The following PIWIL4 variants were observed in gnomAD, a reference collection of about 807,000 sequenced individuals.
PIWIL4 encodes piwi like RNA-mediated gene silencing 4.
Under a neutral mutation model 100.9 loss-of-function variants are expected in PIWIL4, and 50 were observed. That is an observed-to-expected ratio of 0.50 (90% CI 0.39 to 0.63). PIWIL4 has a LOEUF of 0.63. PIWIL4 is among the 20% of genes least tolerant of loss of function. The pLI is 0.00. For missense variants in PIWIL4, 887 were observed against 1,043.3 expected (o/e 0.85, Z 2.06); for synonymous variants, 342 against 367.5 (o/e 0.93, Z 0.79).
chr11:94,603,980 G>T lies in PIWIL4; in HGVS notation c.1566-4G>T, dbSNP rs926277723. On this transcript the variant is annotated splice_region_variant and splice_polypyrimidine_tract_variant and intron_variant, in intron 12 of 19. Transcript: ENST00000299001. ...ATAGCTTCAAAATTAATCTTTTTAT[G>T]TAGCATAAAAGTACAAGAAAATCCA... The T allele has an allele frequency of 6.3e-7, 1 of 1,585,444 alleles. No individual in the cohort carries two copies. The highest frequency in any genetic ancestry group is 8.6e-7 in the Non-Finnish European group (1 of 1,158,608).
intron 14 of PIWIL4, 21 bp from the exon 15 acceptor site, chr11:94,608,562 A>G (rs1414045916): frequency 6.3e-7 from 1 of 1,592,918 alleles, no homozygotes; most frequent in Non-Finnish European, 8.6e-7. Context: ...CCATTAAATC[A>G]TGACAAATTT....
At chr11:94,593,401 T>A in intron 8 of PIWIL4, 117 bp from the exon 9 acceptor site, 1 of 997,538 alleles carries the variant, frequency 1.0e-6, no homozygotes, top group Admixed American at 2.6e-5. Context: ...TAGGTAACTA[T>A]GGGATTGGTT....
At chr11:94,601,465 A>G (rs1247893919) in intron 11 of PIWIL4, among the ~76,000 whole-genome samples, 1 of 152,204 alleles carries the variant, frequency 6.6e-6, no homozygotes, top group Non-Finnish European at 1.5e-5. Flanking sequence ...AGTCATTCAT[A>G]ATAAAGGCAT....
intron 8 of PIWIL4, among the ~76,000 whole-genome samples, chr11:94,591,408 CCTTT>C (rs1009014893): frequency 1.3e-5 from 2 of 152,230 alleles, no homozygotes; most frequent in Non-Finnish European, 2.9e-5. Context: ...AAGCTGTTCT[CCTTT>C]CTAAGTACCT....
intron 11 of PIWIL4, among the ~76,000 whole-genome samples, chr11:94,598,254 T>G (rs72965817): frequency 0.032 from 4,896 of 152,322 alleles, 106 homozygotes; most frequent in Middle Eastern, 0.061. Flanking sequence ...TGGACATTAG[T>G]TCTAATAGAT....
rs1475652288 is a variant in PIWIL4 at position 94,595,497 on chromosome 11, A to G, written c.1268+71A>G. The G allele has an allele frequency of 3.4e-6, 4 of 1,162,038 alleles. No homozygotes were observed. In the Middle Eastern group the frequency reaches 6.0e-4, roughly 174 times the overall value. The allele number at this position is 1,162,038 out of a possible 1,614,324, so 72.0% of individuals were successfully genotyped here. On this transcript the variant is annotated intron_variant, in intron 10 of 19. Transcript: ENST00000299001. The stretch of plus-strand genomic sequence containing the variant: ...ATTAGATGGCCTATGTAACACTGAT[A>G]TATTCCTTGAAGGAAATGTGTCATT...
intron 4 of PIWIL4, among the ~76,000 whole-genome samples, chr11:94,579,421 AAAAG>A (rs143565660): frequency 0.078 from 11,950 of 152,230 alleles, 1,047 homozygotes; most frequent in African/African-American, 0.21. Context: ...CTACAAGAAA[AAAAG>A]AACCAATTTC....
intron 15 of PIWIL4, among the ~76,000 whole-genome samples, chr11:94,614,125 T>C (rs1441148549): frequency 6.6e-6 from 1 of 151,874 alleles, no homozygotes; most frequent in Admixed American, 6.6e-5. Context: ...TTCTGTATTT[T>C]TTTTTTAATG....
chr11:94,616,352 T>C, intron 15 of PIWIL4, 141 bp from the exon 16 acceptor site: 1 of 698,364 alleles, frequency 1.4e-6, no homozygotes, highest in Non-Finnish European at 2.3e-6. Context: ...CTCTTTGATA[T>C]AATTGTGAAC....
chr11:94,568,188 T>C (rs1445343932), intron 1 of PIWIL4, among the ~76,000 whole-genome samples: 1 of 152,148 alleles, frequency 6.6e-6, no homozygotes, highest in Non-Finnish European at 1.5e-5. Context: ...TTTATTCTCA[T>C]GAAGTGGTCT....
chr11:94,589,101 A>C lies in PIWIL4; in HGVS notation c.915-20A>C. ...GTTAGATGATTAAAAAACAATTTAA[A>C]GACTTTTTATATTTGGCAGATACAA... On this transcript the variant is annotated intron_variant, in intron 7 of 19. Coordinates refer to ENST00000299001, the MANE Select transcript of PIWIL4 (RefSeq NM_152431.3). 1 of 1,558,228 alleles carries C rather than the reference A, an allele frequency of 6.4e-7. No individual in the cohort carries two copies. The highest frequency in any genetic ancestry group is 8.8e-7 in the Non-Finnish European group (1 of 1,132,740).
intron 15 of PIWIL4, among the ~76,000 whole-genome samples, 196 bp downstream of exon 15, chr11:94,608,882 C>A (rs1017831420): frequency 6.6e-6 from 1 of 152,124 alleles, no homozygotes. Flanking sequence ...ATTAAAAAAT[C>A]TTTTATATAT....
At chr11:94,598,231 T>C (rs555730315) in intron 11 of PIWIL4, among the ~76,000 whole-genome samples, 2 of 152,338 alleles carry the variant, frequency 1.3e-5, no homozygotes, top group South Asian at 4.1e-4. Flanking sequence ...TCTGAGGAAA[T>C]TCTATTAGCT....
intron 2 of PIWIL4, among the ~76,000 whole-genome samples, chr11:94,572,857 T>C (rs941070799): frequency 2.0e-5 from 3 of 152,260 alleles, no homozygotes; most frequent in Non-Finnish European, 4.4e-5. Flanking sequence ...GGGATGGCAT[T>C]GAATCTATAA....
chr11:94,578,861 T>A (rs1041946733), intron 4 of PIWIL4, among the ~76,000 whole-genome samples: 6 of 152,348 alleles, frequency 3.9e-5, no homozygotes, highest in African/African-American at 1.4e-4. Flanking sequence ...CTTATATATT[T>A]AAGAGATTAG....
chr11:94,572,456 A>G (rs185915799), intron 2 of PIWIL4, among the ~76,000 whole-genome samples: 57 of 152,288 alleles, frequency 3.7e-4, no homozygotes, highest in Admixed American at 1.4e-3. Context: ...ATCTTGAATT[A>G]ATTTTTGTGT....
intron 17 of PIWIL4, 128 bp from the exon 18 acceptor site, chr11:94,619,629 ATTT>A: frequency 9.3e-7 from 1 of 1,072,984 alleles, no homozygotes; most frequent in Non-Finnish European, 1.3e-6. Context: ...ATTGTAGGTA[ATTT>A]TTATTTTCTG....
At chr11:94,570,617 G>A (rs887878922) in intron 2 of PIWIL4, among the ~76,000 whole-genome samples, 2 of 152,268 alleles carry the variant, frequency 1.3e-5, no homozygotes, top group African/African-American at 2.4e-5. Flanking sequence ...CAGGCCGGGC[G>A]TGATGGCTCA....
chr11:94,589,767 G>A (rs1948457583), intron 8 of PIWIL4, among the ~76,000 whole-genome samples: 1 of 152,010 alleles, frequency 6.6e-6, no homozygotes, highest in South Asian at 2.1e-4. Flanking sequence ...TCTCAAGGGA[G>A]CCCCAAAGCA....
Sources: allele counts gnomAD v4.1 joint callset (sites outside exome capture counted in the v4.1 genomes callset), GRCh38; gene constraint gnomAD v4.1.1; transcripts MANE v1.5; gene names NCBI Gene and HGNC (gene_info 2026-07-23, HGNC 2026-07-21).